DNAH14: variants seen among roughly 807,000 people sequenced by gnomAD.
DNAH14 encodes the protein dynein axonemal heavy chain 14.
DNAH14 carries 478 observed loss-of-function variants against 520.9 expected under a neutral mutation model. The observed-to-expected ratio is 0.92, with a 90% confidence interval of 0.85 to 0.99. The LOEUF (loss-of-function observed/expected upper bound fraction) is 0.99. Among genes scored for constraint, DNAH14 ranks in the 50% least tolerant of loss-of-function variants. The pLI is 0.00. For synonymous variants in DNAH14, 1,581 were observed against 1,757.2 expected (o/e 0.90, Z 2.51); for missense variants, 4,831 against 5,234.5 (o/e 0.92, Z 2.38).
intron 10 of DNAH14, among the ~76,000 whole-genome samples, chr1:225,015,456 A>G (rs142525613): frequency 2.0e-5 from 3 of 152,210 alleles, no homozygotes; most frequent in African/African-American, 7.2e-5. Flanking sequence ...TTTGTATATC[A>G]GCTCTACTAG....
At chr1:225,209,336 C>A (rs2088020213) in intron 41 of DNAH14, among the ~76,000 whole-genome samples, 2 of 152,118 alleles carry the variant, frequency 1.3e-5, no homozygotes, top group South Asian at 4.1e-4. Flanking sequence ...ACCTTCAGTG[C>A]ACCACAGACT....
chr1:225,329,375 T>C (rs192855671), intron 64 of DNAH14, among the ~76,000 whole-genome samples: 13 of 152,138 alleles, frequency 8.5e-5, no homozygotes, highest in Non-Finnish European at 1.6e-4. Flanking sequence ...AGTAATATAA[T>C]TGGAAAGGAG....
At chr1:225,095,389 A>G (rs539597659) in intron 21 of DNAH14, among the ~76,000 whole-genome samples, 1 of 152,262 alleles carries the variant, frequency 6.6e-6, no homozygotes, top group Admixed American at 6.5e-5. Context: ...TAAGCAAACT[A>G]AGACAGGAAC....
chr1:225,393,781 T>A (rs944982539), intron 84 of DNAH14, among the ~76,000 whole-genome samples: 8 of 152,286 alleles, frequency 5.3e-5, no homozygotes, highest in African/African-American at 1.9e-4. Flanking sequence ...GTTTTAGTCA[T>A]TCTAGTGGAC....
At chr1:225,291,325 A>C (rs2093883696) in intron 55 of DNAH14, among the ~76,000 whole-genome samples, 1 of 152,126 alleles carries the variant, frequency 6.6e-6, no homozygotes, top group South Asian at 2.1e-4. Context: ...TATAAACATG[A>C]GGGTGCAGAT....
chr1:225,137,336 A>T (rs1425764834), intron 27 of DNAH14, among the ~76,000 whole-genome samples: 2 of 150,218 alleles, frequency 1.3e-5, no homozygotes, highest in African/African-American at 2.5e-5. Flanking sequence ...TTTTTTGTTG[A>T]TGTTGTTGTT....
In DNAH14 at chr1:225,079,232, T is replaced by C. The variant is rs1247707209; in HGVS notation, c.2450T>C (p.Leu817Pro). 6.5e-7 allele frequency: 1 copy of C among 1,546,084 alleles called. No homozygotes were observed. Among genetic ancestry groups the C allele is most frequent in the Non-Finnish European group, 8.7e-7 (1 of 1,145,984 alleles). ...GTTGTGGAATCATCATTGCAGCAGC[T>C]GGAATGTGATCCCACTGAAATAGAA... ...LEVVESSLQQ[L>P]ECDPTEIEEF... The change falls in exon 18 of 86, where the codon CTG becomes CCG. Residue 817 changes from leucine to proline, a missense_variant. By Grantham distance (98) the Leu-to-Pro change is moderately conservative. Transcript: ENST00000682510.
intron 22 of DNAH14, among the ~76,000 whole-genome samples, chr1:225,097,611 T>C (rs2075104193): frequency 6.6e-6 from 1 of 151,902 alleles, no homozygotes; most frequent in African/African-American, 2.4e-5. Context: ...CTGTCTTTAC[T>C]AAACATACAA....
intron 10 of DNAH14, among the ~76,000 whole-genome samples, chr1:225,014,104 C>T (rs2065024080): frequency 6.6e-6 from 1 of 152,174 alleles, no homozygotes; most frequent in Admixed American, 6.5e-5. Context: ...GAGGGAATTT[C>T]CTGGTCTGTG....
intron 17 of DNAH14, among the ~76,000 whole-genome samples, chr1:225,061,437 G>T (rs1053490352): frequency 6.6e-6 from 1 of 152,168 alleles, no homozygotes; most frequent in African/African-American, 2.4e-5. Context: ...CTAGGAAAAG[G>T]AATTCCCTGA....
intron 67 of DNAH14, 56 bp downstream of exon 67, chr1:225,337,552 C>T: frequency 1.4e-6 from 2 of 1,405,948 alleles, no homozygotes; most frequent in Admixed American, 4.0e-5. Context: ...GTTGTATGCA[C>T]TGAGCATAAA....
chr1:224,961,373 A>T (rs1186632436), intron 4 of DNAH14: 1 of 152,184 alleles, frequency 6.6e-6, no homozygotes, highest in Non-Finnish European at 1.5e-5. Context: ...TTTGTTATGC[A>T]TTGTATTAGT....
intron 61 of DNAH14, among the ~76,000 whole-genome samples, chr1:225,320,056 CT>C (rs1469717946): frequency 1.3e-5 from 2 of 152,018 alleles, no homozygotes; most frequent in Non-Finnish European, 2.9e-5. Flanking sequence ...ATCCTCTTAG[CT>C]TTTTTTTCTA....
chr1:225,007,743 T>C (rs1373815831), intron 10 of DNAH14, among the ~76,000 whole-genome samples, 199 bp downstream of exon 10: 1 of 151,806 alleles, frequency 6.6e-6, no homozygotes, highest in Non-Finnish European at 1.5e-5. Context: ...AATAAATATA[T>C]ATTTATATAT....
In DNAH14 at chr1:225,139,740, C is replaced by A. The variant is rs188288493; in HGVS notation, c.4255-1028C>A. 1.4e-3 allele frequency among the ~76,000 whole-genome samples: 214 copies of A among 152,334 alleles called. 1 individual carries two copies. Among genetic ancestry groups the A allele is most frequent in the Non-Finnish European group, 2.3e-3 (157 of 68,024 alleles). Reference sequence around the variant, plus strand: ...ATGCAGCCTAGGGAGGGGTCTCCACCTGTTGGATGTTCTCTCCTGAGGCTG... The same window carrying A: ...ATGCAGCCTAGGGAGGGGTCTCCACATGTTGGATGTTCTCTCCTGAGGCTG... On this transcript the variant is annotated intron_variant, in intron 27 of 85. Coordinates refer to ENST00000682510, the MANE Select transcript of DNAH14 (RefSeq NM_001367479.1).
intron 27 of DNAH14, among the ~76,000 whole-genome samples, chr1:225,125,190 G>T (rs1035114151): frequency 2.6e-5 from 4 of 152,154 alleles, no homozygotes; most frequent in Non-Finnish European, 4.4e-5. Context: ...AGGGTCCTAG[G>T]ATTTTCAAAA....
intron 21 of DNAH14, among the ~76,000 whole-genome samples, chr1:225,094,656 C>CAAAAAAAAA (rs760828776): frequency 4.5e-4 from 35 of 77,814 alleles, no homozygotes; most frequent in Non-Finnish European, 8.9e-4. Flanking sequence ...TTCTGCACAG[C>CAAAAAAAAA]AAAAAAAAAA....
At chr1:225,393,754 G>A (rs2095954856) in intron 84 of DNAH14, among the ~76,000 whole-genome samples, 1 of 151,874 alleles carries the variant, frequency 6.6e-6, no homozygotes, top group Non-Finnish European at 1.5e-5. Flanking sequence ...CCAACACTCG[G>A]TATTTTTAGT....
At position 225,303,352 on chromosome 1, in the gene DNAH14, A is replaced by G. The variant is rs973607692; in HGVS notation, c.8823+5A>G. On this transcript the variant is annotated splice_donor_5th_base_variant and intron_variant, in intron 57 of 85. Transcript: ENST00000682510. ...GTCAATTTTGAGAACAGAGAGGTAA[A>G]TATCTAATGCAAGTGAAGGTTTCAG... 6.5e-7 allele frequency: 1 copy of G among 1,544,330 alleles called. No individual in the cohort carries two copies. Among genetic ancestry groups the G allele is most frequent in the Non-Finnish European group, 8.7e-7 (1 of 1,144,458 alleles).
Sources: allele counts gnomAD v4.1 joint callset (sites outside exome capture counted in the v4.1 genomes callset), GRCh38; gene constraint gnomAD v4.1.1; transcripts MANE v1.5; gene names NCBI Gene and HGNC (gene_info 2026-07-23, HGNC 2026-07-21).